Variants in TERB2 observed in about 807,000 individuals in gnomAD.
The protein encoded by TERB2 is telomere repeats-binding bouquet formation protein 2.
TERB2 carries 26 observed loss-of-function variants against 29.8 expected under a neutral mutation model. The observed-to-expected ratio is 0.87, with a 90% CI of 0.64 to 1.21. The LOEUF is 1.21. Ranked by LOEUF, TERB2 falls within the 50% of genes most tolerant of loss-of-function variation. The probability of loss-of-function intolerance (pLI) is 0.00; values close to 1 mark genes in which losing one functional copy is unlikely to be tolerated. For missense variants in TERB2, 240 were observed against 268.6 expected (o/e 0.89, Z 0.74); for synonymous variants, 80 against 90.8 (o/e 0.88, Z 0.68).
intron 3 of TERB2, among the ~76,000 whole-genome samples, chr15:44,959,701 C>G (rs1891772718): frequency 6.6e-6 from 1 of 152,068 alleles, no homozygotes; most frequent in East Asian, 1.9e-4. Context: ...GGGTAGGTTT[C>G]TTATTATTAC....
chr15:44,978,531 T>A lies in TERB2; in HGVS notation c.566T>A (p.Leu189Gln). ...GCCATGAAGAAATTCCTTGGGGAGC[T>A]ACATGACTTCATTCCTGGAACCTCA... The part of the protein sequence containing the change: ...IDAMKKFLGE[L>Q]HDFIPGTSGY... Residue 189 changes from leucine to glutamine, a missense_variant, in exon 7 of 7, where the codon CTA becomes CAA. Coordinates refer to ENST00000340827, the MANE Select transcript of TERB2 (RefSeq NM_152448.3). 1 of 1,609,804 alleles carries A rather than the reference T, an allele frequency of 6.2e-7. No homozygotes were observed. The highest frequency in any genetic ancestry group is 8.5e-7 in the Non-Finnish European group (1 of 1,177,760).
intron 3 of TERB2, 108 bp downstream of exon 3, chr15:44,958,620 T>A: frequency 3.2e-6 from 4 of 1,244,196 alleles, no homozygotes; most frequent in Non-Finnish European, 4.4e-6. Flanking sequence ...CACATATTTT[T>A]GAATTTTGTA....
chr15:44,958,249 A>G, intron 2 of TERB2, 124 bp from the exon 3 acceptor site: 1 of 1,139,304 alleles, frequency 8.8e-7, no homozygotes, highest in Non-Finnish European at 1.2e-6. Flanking sequence ...CCAGAAAAGG[A>G]CAGCATACAT....
intron 3 of TERB2, among the ~76,000 whole-genome samples, chr15:44,960,087 T>C (rs1052335910): frequency 2.0e-5 from 3 of 152,224 alleles, no homozygotes; most frequent in Admixed American, 6.5e-5. Flanking sequence ...AAGGAACTTA[T>C]ATTGTAGAAT....
In TERB2 at chr15:44,978,494, A is replaced by G. The variant is rs755224896; in HGVS notation, c.529A>G (p.Ile177Val). The G allele has an allele frequency of 3.1e-6, 5 of 1,600,346 alleles. No individual in the cohort carries two copies. The highest frequency in any genetic ancestry group is 4.3e-6 in the Non-Finnish European group (5 of 1,173,922). ...YPVNNMVTGY[I>V]SIDAMKKFLG... ...TTTTAAATTTTATTTTGTAGGTTAT[A>G]TATCAATTGATGCCATGAAGAAATT... The change falls in exon 7 of 7, where the codon ATA becomes GTA. Residue 177 changes from isoleucine (I) to valine (V), a missense_variant. Physicochemically the swap from Ile to Val is conservative, Grantham distance 29 (BLOSUM62 3). Transcript: ENST00000340827.
chr15:44,962,282 C>A (rs189897770), intron 4 of TERB2, among the ~76,000 whole-genome samples: 88 of 149,184 alleles, frequency 5.9e-4, no homozygotes, highest in Middle Eastern at 3.5e-3. Flanking sequence ...CCCGGGTTCA[C>A]GCCATTCTCC....
intron 5 of TERB2, chr15:44,970,000 T>C (rs1319282219): frequency 6.6e-6 from 1 of 151,852 alleles, no homozygotes; most frequent in Non-Finnish European, 1.5e-5. Context: ...GACAGTGTCC[T>C]TGTGATCAAA....
intron 6 of TERB2, among the ~76,000 whole-genome samples, chr15:44,976,923 A>G (rs546869150): frequency 6.5e-4 from 99 of 152,294 alleles, no homozygotes; most frequent in African/African-American, 2.2e-3. Flanking sequence ...AAACTCTAAG[A>G]TGTAAAACTT....
intron 5 of TERB2, among the ~76,000 whole-genome samples, chr15:44,968,584 C>CTTTT (rs34188520): frequency 1.5e-4 from 15 of 98,502 alleles, no homozygotes; most frequent in South Asian, 3.5e-4. Flanking sequence ...TTTGTTTAAC[C>CTTTT]TTTTTTTTTT....
At chr15:44,965,164 A>AC (rs1891865165) in intron 4 of TERB2, among the ~76,000 whole-genome samples, 1 of 102,786 alleles carries the variant, frequency 9.7e-6, no homozygotes, top group Admixed American at 9.8e-5. Context: ...CTCTGTCTCA[A>AC]AAAAAAAAAA....
intron 5 of TERB2, 62 bp downstream of exon 5, chr15:44,966,305 G>T (rs1396162510): frequency 9.2e-6 from 9 of 977,048 alleles, no homozygotes; most frequent in South Asian, 5.2e-5. Flanking sequence ...AGCACTGATT[G>T]TGTGCTTATC....
intron 4 of TERB2, among the ~76,000 whole-genome samples, chr15:44,965,628 C>A (rs1416297251): frequency 7.3e-6 from 1 of 136,692 alleles, no homozygotes; most frequent in Non-Finnish European, 1.6e-5. Context: ...AAATATATAT[C>A]TATATAAAGA....
intron 1 of TERB2, 27 bp from the exon 2 acceptor site, chr15:44,956,869 G>T: frequency 6.2e-7 from 1 of 1,612,696 alleles, no homozygotes; most frequent in Non-Finnish European, 8.5e-7. Flanking sequence ...TGCTTGATAG[G>T]TTCACCCTGT....
intron 5 of TERB2, among the ~76,000 whole-genome samples, chr15:44,966,716 AC>A (rs1891895494): frequency 3.3e-5 from 5 of 152,230 alleles, no homozygotes; most frequent in African/African-American, 4.8e-5. Flanking sequence ...AAGGAAATAC[AC>A]TACATATTAG....
At chr15:44,969,661 G>A (rs1271958333) in intron 5 of TERB2, among the ~76,000 whole-genome samples, 1 of 151,552 alleles carries the variant, frequency 6.6e-6, no homozygotes, top group African/African-American at 2.4e-5. Context: ...GGGTGTAGTG[G>A]TGTACTCCTG....
At position 44,956,735 on chromosome 15, in the gene TERB2, G is replaced by T; in HGVS notation, c.17G>T (p.Arg6Leu). MFQGQ[R>L]GWFCGSVSQD... ...GGCGACGCCATGTTTCAAGGGCAGCGCGGTTGGTTTTGCGGCAGCGTTAGC... is the reference window on the plus strand; with the variant it reads ...GGCGACGCCATGTTTCAAGGGCAGCTCGGTTGGTTTTGCGGCAGCGTTAGC... Residue 6 changes from arginine (R) to leucine (L), a missense_variant, in exon 1 of 7, where the codon CGC becomes CTC. Coordinates refer to ENST00000340827, the MANE Select transcript of TERB2 (RefSeq NM_152448.3). 1 of 1,612,142 alleles carries T rather than the reference G, an allele frequency of 6.2e-7. No individual in the cohort carries two copies. The highest frequency in any genetic ancestry group is 8.5e-7 in the Non-Finnish European group (1 of 1,179,250).
chr15:44,961,368 TG>T (rs1385184865), intron 3 of TERB2, among the ~76,000 whole-genome samples, 154 bp from the exon 4 acceptor site: 1 of 151,740 alleles, frequency 6.6e-6, no homozygotes, highest in Admixed American at 6.6e-5. Flanking sequence ...CTCAATGATC[TG>T]ATTCAATAGG....
At chr15:44,963,723 A>T (rs1891840258) in intron 4 of TERB2, among the ~76,000 whole-genome samples, 1 of 151,906 alleles carries the variant, frequency 6.6e-6, no homozygotes, top group Non-Finnish European at 1.5e-5. Context: ...AAATAAAAAG[A>T]GAGAGGAGGC....
At chr15:44,962,002 G>T (rs1595475408) in intron 4 of TERB2, among the ~76,000 whole-genome samples, 1 of 151,898 alleles carries the variant, frequency 6.6e-6, no homozygotes, top group Non-Finnish European at 1.5e-5. Flanking sequence ...GCCCAGCACA[G>T]ATTAAGAAAT....
Sources: gnomAD v4.1 joint callset for allele counts (sites outside exome capture counted in the v4.1 genomes callset) on GRCh38, gnomAD v4.1.1 for gene constraint, MANE v1.5 for transcripts, NCBI Gene and HGNC (gene_info 2026-07-23, HGNC 2026-07-21) for gene names.